FAM135B: variants seen among roughly 807,000 people sequenced by gnomAD.
The protein encoded by FAM135B is family with sequence similarity 135 member B.
A neutral mutation model predicts 127.7 loss-of-function variants in FAM135B; 43 were observed. The observed-to-expected ratio is 0.34, with a 90% confidence interval of 0.26 to 0.43. The LOEUF is 0.43. Ranked by LOEUF, FAM135B falls within the 20% of genes least tolerant of loss-of-function variation. The pLI, the probability that FAM135B is intolerant of heterozygous loss-of-function variation, is 1.00. For synonymous variants in FAM135B, 670 were observed against 665.1 expected (o/e 1.01, Z -0.11); for missense variants, 1,558 against 1,725.6 (o/e 0.90, Z 1.72).
At chr8:138,400,119 G>A (rs1833074394) in intron 1 of FAM135B, among the ~76,000 whole-genome samples, 1 of 152,190 alleles carries the variant, frequency 6.6e-6, no homozygotes, top group Non-Finnish European at 1.5e-5. Context: ...TCTCTCTGGA[G>A]CTCGGGCTTT....
At chr8:138,329,602 T>G (rs1828032004) in intron 2 of FAM135B, among the ~76,000 whole-genome samples, 1 of 152,146 alleles carries the variant, frequency 6.6e-6, no homozygotes, top group South Asian at 2.1e-4. Context: ...AGATCACACA[T>G]GCAGCAAATT....
rs1302761873 is a variant in FAM135B, at chr8:138,151,879, T to C, written c.2596A>G (p.Arg866Gly). The change falls in exon 13 of 20, where the codon AGG (arginine) becomes GGG (glycine). Residue 866 changes from arginine (R) to glycine (G), a missense_variant. This residue lies in a region of FAM135B where 923 missense variants were observed against 865.3 expected (regional missense o/e 1.07). Transcript: ENST00000395297. The part of the protein sequence containing the change: ...DAQGHCLPDG[R>G]TENTPGVETK... Reference sequence around the variant, plus strand: ...TCAACACCTGGAGTGTTCTCAGTCCTGCCATCAGGAAGACAGTGTCCTTGA... The same window carrying C: ...TCAACACCTGGAGTGTTCTCAGTCCCGCCATCAGGAAGACAGTGTCCTTGA... 2 of 1,613,928 alleles carry C rather than the reference T, an allele frequency of 1.2e-6. No homozygotes were observed. The highest frequency in any genetic ancestry group is 8.5e-7 in the Non-Finnish European group (1 of 1,179,902).
At chr8:138,273,815 T>C (rs1427975618) in intron 3 of FAM135B, among the ~76,000 whole-genome samples, 2 of 152,152 alleles carry the variant, frequency 1.3e-5, no homozygotes, top group Admixed American at 6.5e-5. Flanking sequence ...TTCCCACCTC[T>C]CTGTGTTGTA....
chr8:138,317,064 T>A (rs1304659139), intron 2 of FAM135B, among the ~76,000 whole-genome samples: 1 of 151,528 alleles, frequency 6.6e-6, no homozygotes, highest in Non-Finnish European at 1.5e-5. Flanking sequence ...AATAAAAACT[T>A]ACTTATGCAA....
chr8:138,197,609 G>A lies in FAM135B; in HGVS notation c.730C>T (p.Leu244=), dbSNP rs1169653199. ...MQHAHKWHRD[L]CLLLLHAYRG... ...TAAGCGTGGAGGAGCAACAGGCACA[G>A]GTCTCGGTGCCACTTGTGTGCGTGC... is the stretch of plus-strand genomic sequence containing the variant. Residue 244 remains leucine (L), a synonymous_variant, in exon 8 of 20, where the codon CTG becomes TTG. Coordinates refer to ENST00000395297, the MANE Select transcript of FAM135B (RefSeq NM_015912.4). 1 of 1,614,216 alleles carries A rather than the reference G, an allele frequency of 6.2e-7. No homozygotes were observed. Among genetic ancestry groups the A allele is most frequent in the East Asian group, 2.2e-5 (1 of 44,876 alleles).
At chr8:138,170,117 C>A (rs1820293131) in intron 11 of FAM135B, among the ~76,000 whole-genome samples, 1 of 152,074 alleles carries the variant, frequency 6.6e-6, no homozygotes, top group South Asian at 2.1e-4. Flanking sequence ...AGCTTCCCTG[C>A]CATCCTTAAA....
intron 9 of FAM135B, among the ~76,000 whole-genome samples, chr8:138,190,471 A>C (rs1361304448): frequency 6.6e-6 from 1 of 152,198 alleles, no homozygotes; most frequent in African/African-American, 2.4e-5. Flanking sequence ...TACCAACACA[A>C]CAGACAGCAG....
In FAM135B at chr8:138,167,872, T is replaced by C. The variant is rs781426493; in HGVS notation, c.1258+23A>G. Reference sequence around the variant, plus strand: ...CACTGGAAAGCCTTATTCCTGAGTCTTTCCAAAACAAAACAGACAAACCTG... The same window carrying C: ...CACTGGAAAGCCTTATTCCTGAGTCCTTCCAAAACAAAACAGACAAACCTG... On this transcript the variant is annotated intron_variant, in intron 12 of 19. Transcript: ENST00000395297. The C allele has an allele frequency of 2.3e-5, 37 of 1,592,450 alleles. No homozygotes were observed. In the Admixed American group the frequency reaches 6.4e-4, roughly 27 times the overall value.
At chr8:138,382,375 G>GCAC (rs1258121882) in intron 1 of FAM135B, among the ~76,000 whole-genome samples, 1 of 152,178 alleles carries the variant, frequency 6.6e-6, no homozygotes, top group Non-Finnish European at 1.5e-5. Flanking sequence ...CAGGGCTACA[G>GCAC]CACCTCCAGG....
At chr8:138,389,510 C>T (rs1031057928) in intron 1 of FAM135B, among the ~76,000 whole-genome samples, 2 of 152,170 alleles carry the variant, frequency 1.3e-5, no homozygotes, top group Admixed American at 6.5e-5. Flanking sequence ...AGTTTTAATA[C>T]ATGTTACAAC....
chr8:138,284,259 C>T (rs1824497990), intron 3 of FAM135B, among the ~76,000 whole-genome samples: 1 of 151,920 alleles, frequency 6.6e-6, no homozygotes, highest in Non-Finnish European at 1.5e-5. Context: ...AATTCCAATT[C>T]TCTCCCTCTC....
In FAM135B at chr8:138,375,133, C is replaced by CAAA. The variant is rs11465051; in HGVS notation, c.-19-7134_-19-7132dup. On this transcript the variant is annotated intron_variant, in intron 1 of 19. Transcript: ENST00000395297. ...CATCTGCCTGTAATGCCAGCTCTGG[C>CAAA]AAAAAAAAAACTGCACATGTAGCTG... Among the ~76,000 whole-genome samples the CAAA allele has an allele frequency of 3.5e-3, 520 of 147,304 alleles. 3 individuals are homozygous for CAAA. Among genetic ancestry groups the CAAA allele is most frequent in the African/African-American group, 0.012 (496 of 40,378 alleles).
chr8:138,237,341 A>G (rs1038647497), intron 7 of FAM135B, among the ~76,000 whole-genome samples: 2 of 151,868 alleles, frequency 1.3e-5, no homozygotes, highest in East Asian at 3.9e-4. Context: ...TTGTATTTTT[A>G]GTAGAGACGG....
intron 2 of FAM135B, among the ~76,000 whole-genome samples, chr8:138,320,736 G>T (rs1233242615): frequency 6.6e-6 from 1 of 152,166 alleles, no homozygotes; most frequent in Non-Finnish European, 1.5e-5. Flanking sequence ...GAAACTAAAA[G>T]AGGACTGATG....
intron 11 of FAM135B, 49 bp downstream of exon 11, chr8:138,177,298 C>A: frequency 6.4e-7 from 1 of 1,563,990 alleles, no homozygotes; most frequent in South Asian, 1.1e-5. Flanking sequence ...AACAGCATGT[C>A]TTGGGTGGCT....
At chr8:138,215,579 C>T (rs1818478276) in intron 7 of FAM135B, among the ~76,000 whole-genome samples, 1 of 152,128 alleles carries the variant, frequency 6.6e-6, no homozygotes, top group African/African-American at 2.4e-5. Context: ...CTCAGGCTTC[C>T]ATTCTATGAC....
chr8:138,459,793 A>G (rs1484066495), intron 1 of FAM135B, among the ~76,000 whole-genome samples: 1 of 152,090 alleles, frequency 6.6e-6, no homozygotes, highest in Non-Finnish European at 1.5e-5. Flanking sequence ...GGCAAAGGGA[A>G]CTGGAGAGAT....
chr8:138,457,930 T>G (rs1186884506), intron 1 of FAM135B, among the ~76,000 whole-genome samples: 2 of 150,322 alleles, frequency 1.3e-5, no homozygotes, highest in Admixed American at 1.3e-4. Context: ...TGAACTGAGA[T>G]TCCGCCACTG....
chr8:138,359,315 G>A (rs1418076280), intron 2 of FAM135B, among the ~76,000 whole-genome samples: 1 of 152,114 alleles, frequency 6.6e-6, no homozygotes, highest in Non-Finnish European at 1.5e-5. Flanking sequence ...CATCAAACTG[G>A]CTTTAACAAA....
Sources: allele counts gnomAD v4.1 joint callset (sites outside exome capture counted in the v4.1 genomes callset), GRCh38; gene constraint gnomAD v4.1.1; regional missense constraint gnomAD v4.1.1; transcripts MANE v1.5; gene names NCBI Gene and HGNC (gene_info 2026-07-23, HGNC 2026-07-21).